The following HLCS variants were observed in gnomAD, a reference collection of about 807,000 sequenced individuals.
HLCS encodes holocarboxylase synthetase.
A neutral mutation model predicts 75.0 loss-of-function variants in HLCS; 53 were observed. That is an observed-to-expected ratio of 0.71 (90% CI 0.57 to 0.89). The LOEUF (loss-of-function observed/expected upper bound fraction) is 0.89, where lower values mean the gene tolerates loss of function less well. Ranked by LOEUF, HLCS falls within the 40% of genes least tolerant of loss-of-function variation. The pLI, the probability that HLCS is intolerant of heterozygous loss-of-function variation, is 0.00. For synonymous variants in HLCS, 431 were observed against 428.6 expected (o/e 1.01, Z -0.07); for missense variants, 966 against 1,074.0 (o/e 0.90, Z 1.41).
chr21:36,794,432 G>A (rs904370817), intron 6 of HLCS, among the ~76,000 whole-genome samples: 2 of 152,200 alleles, frequency 1.3e-5, no homozygotes, highest in African/African-American at 4.8e-5. Context: ...ATGTGACAGA[G>A]GACTATTCCA....
rs376438358 is a variant in HLCS, at chr21:36,763,661, C to A, written c.2121+1351G>T. Among the ~76,000 whole-genome samples, 8 of 152,312 alleles carry A rather than the reference C, an allele frequency of 5.3e-5. No individual in the cohort carries two copies. The East Asian group carries it at 1.4e-3, about 26-fold the overall frequency. ...ATCTTGCTTCAGGAATCAATCCAAT[C>A]ATTTCTCTTTAGCCTGACATAGGAG... On this transcript the variant is annotated intron_variant, in intron 8 of 10. Transcript: ENST00000674895.
chr21:36,804,944 CTG>C (rs2061319930), intron 6 of HLCS, among the ~76,000 whole-genome samples: 1 of 152,194 alleles, frequency 6.6e-6, no homozygotes, highest in African/African-American at 2.4e-5. Context: ...AGTTGACAAA[CTG>C]TCTCTCCATG....
chr21:36,780,909 G>A (rs2060507515), intron 6 of HLCS, among the ~76,000 whole-genome samples: 1 of 151,912 alleles, frequency 6.6e-6, no homozygotes, highest in Non-Finnish European at 1.5e-5. Context: ...TTATATATTA[G>A]GGCAGAGTCC....
At chr21:36,896,468 C>A in intron 6 of HLCS, 1 of 275,598 alleles carries the variant, frequency 3.6e-6, no homozygotes, top group Non-Finnish European at 7.0e-6. Flanking sequence ...ACTTCCTATT[C>A]AAATGCCCCT....
At chr21:36,876,329 C>T (rs1181021225) in intron 6 of HLCS, among the ~76,000 whole-genome samples, 2 of 152,158 alleles carry the variant, frequency 1.3e-5, no homozygotes, top group African/African-American at 4.8e-5. Context: ...TTTTCGTATA[C>T]ATTTCCACAA....
chr21:36,848,263 TA>T (rs1262472836), intron 6 of HLCS, among the ~76,000 whole-genome samples: 1 of 146,616 alleles, frequency 6.8e-6, no homozygotes, highest in Non-Finnish European at 1.5e-5. Context: ...TTTGCCCACA[TA>T]ATTGTTGTTT....
intron 6 of HLCS, among the ~76,000 whole-genome samples, chr21:36,829,124 C>A (rs1406692151): frequency 2.0e-5 from 3 of 152,230 alleles, no homozygotes; most frequent in Non-Finnish European, 4.4e-5. Context: ...CTAGCTCACA[C>A]ATCATCCATC....
intron 6 of HLCS, among the ~76,000 whole-genome samples, chr21:36,803,587 C>T (rs147921348): frequency 3.3e-4 from 51 of 152,242 alleles, no homozygotes; most frequent in Admixed American, 9.8e-4. Context: ...CAGGTTTTGG[C>T]TGTAAGAAGT....
intron 1 of HLCS, among the ~76,000 whole-genome samples, chr21:36,981,704 C>A (rs1328998054): frequency 6.6e-6 from 1 of 152,010 alleles, no homozygotes; most frequent in Non-Finnish European, 1.5e-5. Flanking sequence ...CCGGCCTTAA[C>A]CTTCCTTTTC....
chr21:36,905,247 A>G (rs1040995609), intron 5 of HLCS, among the ~76,000 whole-genome samples: 7 of 152,238 alleles, frequency 4.6e-5, no homozygotes, highest in African/African-American at 1.7e-4. Context: ...CATTTACTGT[A>G]TAAATGCACA....
chr21:36,938,598 A>G (rs757441408), intron 3 of HLCS, among the ~76,000 whole-genome samples: 10 of 152,146 alleles, frequency 6.6e-5, no homozygotes, highest in Non-Finnish European at 7.4e-5. Flanking sequence ...CTCCCAGCTC[A>G]AGTGATCCTC....
intron 1 of HLCS, among the ~76,000 whole-genome samples, chr21:36,962,481 G>A (rs1271983214): frequency 3.9e-5 from 6 of 152,070 alleles, no homozygotes; most frequent in Admixed American, 3.9e-4. Flanking sequence ...AGCTAACCGG[G>A]AAGTACATTT....
intron 6 of HLCS, among the ~76,000 whole-genome samples, chr21:36,784,079 C>G (rs1168614029): frequency 6.6e-6 from 1 of 152,094 alleles, no homozygotes; most frequent in African/African-American, 2.4e-5. Flanking sequence ...CATGCTGGGC[C>G]CTTGGTATGA....
chr21:36,802,364 C>T (rs917899627), intron 6 of HLCS, among the ~76,000 whole-genome samples: 1 of 152,168 alleles, frequency 6.6e-6, no homozygotes, highest in Admixed American at 6.5e-5. Flanking sequence ...GGGGACTATG[C>T]GCCCAGGAGA....
At chr21:36,800,422 G>C (rs2061164024) in intron 6 of HLCS, among the ~76,000 whole-genome samples, 1 of 152,188 alleles carries the variant, frequency 6.6e-6, no homozygotes, top group African/African-American at 2.4e-5. Context: ...ATCAGGTATG[G>C]AACAGATGCA....
intron 6 of HLCS, among the ~76,000 whole-genome samples, chr21:36,782,585 T>G (rs1299549604): frequency 6.6e-6 from 1 of 152,146 alleles, no homozygotes; most frequent in East Asian, 1.9e-4. Context: ...ACAAAACGTG[T>G]TCCATGGAGA....
intron 6 of HLCS, among the ~76,000 whole-genome samples, chr21:36,862,653 G>A (rs750029174): frequency 1.3e-5 from 2 of 152,076 alleles, no homozygotes; most frequent in African/African-American, 2.4e-5. Context: ...GAACCTCTCC[G>A]CATCCGTTCC....
At chr21:36,789,696 C>A (rs1465882606) in intron 6 of HLCS, among the ~76,000 whole-genome samples, 1 of 152,230 alleles carries the variant, frequency 6.6e-6, no homozygotes, top group Non-Finnish European at 1.5e-5. Context: ...ACTAACACAA[C>A]GATTGCCACC....
chr21:36,989,366 C>G (rs2069296052), intron 1 of HLCS, among the ~76,000 whole-genome samples: 1 of 145,594 alleles, frequency 6.9e-6, no homozygotes, highest in Admixed American at 7.0e-5. Context: ...TCTTGTCGTC[C>G]AGGCTGGAGT....
Sources: gnomAD v4.1 joint callset for allele counts (sites outside exome capture counted in the v4.1 genomes callset) on GRCh38, gnomAD v4.1.1 for gene constraint, MANE v1.5 for transcripts, NCBI Gene and HGNC (gene_info 2026-07-23, HGNC 2026-07-21) for gene names.